Variants in STK32B observed in about 807,000 individuals in gnomAD.
STK32B encodes the protein serine/threonine-protein kinase 32B.
A neutral mutation model predicts 52.6 loss-of-function variants in STK32B; 43 were observed. The ratio of observed to expected loss-of-function variants is 0.82; its 90% CI spans 0.64 to 1.05. The LOEUF (loss-of-function observed/expected upper bound fraction) is 1.05. Ranked by LOEUF, STK32B falls within the 50% of genes least tolerant of loss-of-function variation. The pLI, the probability that STK32B is intolerant of heterozygous loss-of-function variation, is 0.00. For synonymous variants in STK32B, 238 were observed against 204.3 expected, an observed-to-expected ratio of 1.17 and a Z score of -1.41; for missense variants, 621 against 534.6, an observed-to-expected ratio of 1.16 and a Z score of -1.59.
At chr4:5,133,862 G>T (rs1715915469) in intron 1 of STK32B, among the ~76,000 whole-genome samples, 1 of 152,120 alleles carries the variant, frequency 6.6e-6, no homozygotes, top group African/African-American at 2.4e-5. Flanking sequence ...TGGGGATGCA[G>T]GCATCACTAC....
intron 3 of STK32B, among the ~76,000 whole-genome samples, chr4:5,230,727 A>G (rs1166030102): frequency 2.0e-5 from 3 of 152,204 alleles, no homozygotes; most frequent in Non-Finnish European, 4.4e-5. Flanking sequence ...GTGCATGTAC[A>G]TGTGGAAAAC....
chr4:5,326,491 G>A (rs1731881349), intron 3 of STK32B, among the ~76,000 whole-genome samples: 1 of 152,124 alleles, frequency 6.6e-6, no homozygotes, highest in African/African-American at 2.4e-5. Flanking sequence ...TCTGCATTTA[G>A]CTCCCAGCCC....
the STK32B span, among the ~76,000 whole-genome samples, chr4:5,036,235 T>G: frequency 6.6e-6 from 1 of 152,322 alleles, no homozygotes; most frequent in Admixed American, 6.5e-5. Flanking sequence ...GGGTGCAGTG[T>G]GCACGGGGAC....
chr4:5,127,385 G>A (rs1401835526), intron 1 of STK32B, among the ~76,000 whole-genome samples: 7 of 152,168 alleles, frequency 4.6e-5, no homozygotes, highest in Admixed American at 2.6e-4. Flanking sequence ...AGAGTTTGGG[G>A]CTGTGGTGAA....
At chr4:5,409,883 A>G (rs1028218959) in intron 5 of STK32B, among the ~76,000 whole-genome samples, 7 of 152,184 alleles carry the variant, frequency 4.6e-5, no homozygotes, top group Non-Finnish European at 1.5e-5. Context: ...CAGAAAAAAA[A>G]TCAAAGGCTC....
chr4:5,244,593 C>T (rs1260020406), intron 3 of STK32B, among the ~76,000 whole-genome samples: 3 of 152,180 alleles, frequency 2.0e-5, no homozygotes, highest in Non-Finnish European at 4.4e-5. Flanking sequence ...CTGCTCTGAT[C>T]TTAGTTATTT....
At chr4:5,377,479 A>G (rs2109019746) in intron 4 of STK32B, among the ~76,000 whole-genome samples, 1 of 152,288 alleles carries the variant, frequency 6.6e-6, no homozygotes. Context: ...CACTTAATGC[A>G]CTTATTTTAA....
At position 5,389,732 on chromosome 4, in the gene STK32B, C is replaced by CCCCG. The variant is rs199526862; in HGVS notation, c.435-8472_435-8471insGCCC. Among the ~76,000 whole-genome samples, 634 of 152,260 alleles carry CCCCG rather than the reference C, an allele frequency of 4.2e-3. 4 individuals carry two copies. The highest frequency in any genetic ancestry group is 0.014 in the African/African-American group (572 of 41,532). On this transcript the variant is annotated intron_variant, in intron 4 of 11. Transcript: ENST00000282908. ...CTGTGCAATAGACTGAAAATGCCCC[C>CCCCG]CCCAAAGATGCCACATCCTAATCCT...
At chr4:5,157,552 C>G (rs1003502386) in intron 2 of STK32B, among the ~76,000 whole-genome samples, 2 of 152,004 alleles carry the variant, frequency 1.3e-5, no homozygotes, top group African/African-American at 4.8e-5. Flanking sequence ...AAATGGGCCA[C>G]GTGGGGATCT....
chr4:5,117,054 A>T (rs28497979), intron 1 of STK32B, among the ~76,000 whole-genome samples: 59,876 of 152,074 alleles, frequency 0.39, 13,440 homozygotes, highest in Non-Finnish European at 0.52. Context: ...GAGTCTTTAG[A>T]ATTTTCTATA....
chr4:5,302,116 G>A (rs115956142), intron 3 of STK32B, among the ~76,000 whole-genome samples: 1,587 of 150,560 alleles, frequency 0.011, 21 homozygotes, highest in African/African-American at 0.037. Flanking sequence ...GTCACTTTGG[G>A]AATAACATTT....
chr4:5,139,159 T>G (rs928143970), intron 1 of STK32B, among the ~76,000 whole-genome samples: 1 of 152,096 alleles, frequency 6.6e-6, no homozygotes, highest in Non-Finnish European at 1.5e-5. Context: ...AGAGACAACA[T>G]GGAGCTACCT....
chr4:5,164,010 G>A (rs926660522), intron 2 of STK32B, among the ~76,000 whole-genome samples: 6 of 152,280 alleles, frequency 3.9e-5, no homozygotes, highest in African/African-American at 1.2e-4. Flanking sequence ...TGGTAGGGCC[G>A]GTTCTGTAGA....
chr4:5,496,515 C>G (rs1025407215), intron 11 of STK32B, among the ~76,000 whole-genome samples: 1 of 149,370 alleles, frequency 6.7e-6, no homozygotes, highest in Non-Finnish European at 1.5e-5. Flanking sequence ...ACTCCCTGAC[C>G]CCTTGCGCTT....
chr4:5,227,208 G>GT (rs1723933353), intron 3 of STK32B, among the ~76,000 whole-genome samples: 1 of 152,154 alleles, frequency 6.6e-6, no homozygotes, highest in Admixed American at 6.5e-5. Flanking sequence ...TCAACAAGCA[G>GT]TATCTTCTTA....
At chr4:5,473,592 A>C (rs1026611910) in intron 11 of STK32B, among the ~76,000 whole-genome samples, 1 of 152,178 alleles carries the variant, frequency 6.6e-6, no homozygotes, top group African/African-American at 2.4e-5. Context: ...GGCTGAATCA[A>C]AATAGCCCCT....
chr4:5,168,052 C>T (rs1230779387), intron 2 of STK32B, among the ~76,000 whole-genome samples: 2 of 152,158 alleles, frequency 1.3e-5, no homozygotes, highest in African/African-American at 2.4e-5. Context: ...GTTTGCATCT[C>T]CTCTTTCAAC....
At chr4:5,175,072 C>T (rs1016430341) in intron 3 of STK32B, among the ~76,000 whole-genome samples, 2 of 152,182 alleles carry the variant, frequency 1.3e-5, no homozygotes, top group Non-Finnish European at 2.9e-5. Context: ...CGCTGATACC[C>T]TTTCTTCCCG....
In STK32B at chr4:5,399,354, T is replaced by C. The variant is rs1017927370; in HGVS notation, c.472+1110T>C. On this transcript the variant is annotated intron_variant, in intron 5 of 11. Coordinates refer to ENST00000282908, the MANE Select transcript of STK32B (RefSeq NM_018401.3). This position sits in a 1 kb window ranked among gnomAD's most constrained non-coding sequence, Gnocchi z 5.4. ...GGTCATGGTTCTATCTCAGAGCTCC[T>C]CTCGAACCTTCCATGAGCCAGCAGC... Among the ~76,000 whole-genome samples, 1 of 152,136 alleles carries C rather than the reference T, an allele frequency of 6.6e-6. No individual in the cohort carries two copies. Among genetic ancestry groups the C allele is most frequent in the African/African-American group, 2.4e-5 (1 of 41,414 alleles).
Sources: gnomAD v4.1 joint callset for allele counts (sites outside exome capture counted in the v4.1 genomes callset) on GRCh38, gnomAD v4.1.1 for gene constraint, Gnocchi (gnomAD v3.1) non-coding constraint, MANE v1.5 for transcripts, NCBI Gene and HGNC (gene_info 2026-07-23, HGNC 2026-07-21) for gene names.